PAQR3: variants seen among roughly 807,000 people sequenced by gnomAD.
The protein encoded by PAQR3 is progestin and adipoQ receptor family member 3, also known as Raf kinase trapping to Golgi.
PAQR3 carries 39 observed loss-of-function variants against 41.7 expected under a neutral mutation model. The observed-to-expected ratio is 0.93, with a 90% CI of 0.72 to 1.22. The LOEUF is 1.22. PAQR3 is among the 50% of genes most tolerant of loss of function. The pLI is 0.00. For missense variants in PAQR3, 366 were observed against 385.6 expected (o/e 0.95, Z 0.42); for synonymous variants, 140 against 140.6 (o/e 1.00, Z 0.03).
At chr4:78,887,258 G>A in exon 13 of PAQR3, 1 of 1,609,692 alleles carries the variant, frequency 6.2e-7, no homozygotes, top group Non-Finnish European at 8.5e-7. Flanking sequence ...GATCCTTTTG[G>A]TTCTGTTCCT....
chr4:78,922,244 G>C, intron 5 of PAQR3: 1 of 1,221,976 alleles, frequency 8.2e-7, no homozygotes, highest in South Asian at 1.5e-5. Context: ...TACAACGCAG[G>C]TTTTCCCTTG....
chr4:78,893,301 A>G (rs1228261665), intron 11 of PAQR3, among the ~76,000 whole-genome samples: 1 of 152,136 alleles, frequency 6.6e-6, no homozygotes, highest in African/African-American at 2.4e-5. Flanking sequence ...TTTAGGTTCT[A>G]TTTCTAGTTC....
In PAQR3 at chr4:78,938,307, G is replaced by GT. The variant is rs1375993296; in HGVS notation, c.185+732dup. Among the ~76,000 whole-genome samples, 26 of 152,342 alleles carry GT rather than the reference G, an allele frequency of 1.7e-4. No homozygotes were observed. The East Asian group carries it at 3.3e-3, about 19-fold the overall frequency. On this transcript the variant is annotated intron_variant, in intron 1 of 5. Transcript: ENST00000512733. Reference sequence around the variant, plus strand: ...ACTAGAATAGTTATTTTTCAGTTTTGTTTTTTTAAAACACGGATTTTCAAG... The same window carrying GT: ...ACTAGAATAGTTATTTTTCAGTTTTGTTTTTTTTAAAACACGGATTTTCAAG...
intron 11 of PAQR3, among the ~76,000 whole-genome samples, chr4:78,900,714 TAGAC>T (rs1733953461): frequency 6.6e-6 from 1 of 152,240 alleles, no homozygotes; most frequent in African/African-American, 2.4e-5. Context: ...AACATTTAGA[TAGAC>T]TATGTCTTAA....
At chr4:78,922,889 G>A (rs559392057) in intron 5 of PAQR3, 1 of 455,994 alleles carries the variant, frequency 2.2e-6, no homozygotes, top group South Asian at 1.6e-5. Context: ...TCTGACTCCA[G>A]AGCTAAAGTT....
chr4:78,922,316 G>A, intron 5 of PAQR3: 1 of 1,285,670 alleles, frequency 7.8e-7, no homozygotes, highest in Non-Finnish European at 1.0e-6. Context: ...AATGCCTGAG[G>A]ATCTGTGGGA....
intron 2 of PAQR3, among the ~76,000 whole-genome samples, chr4:78,931,512 C>G (rs545376878): frequency 1.3e-5 from 2 of 152,334 alleles, no homozygotes; most frequent in South Asian, 4.1e-4. Context: ...TGATAAGGTT[C>G]TATGGCAGAA....
At chr4:78,895,762 TTTG>T (rs778172927) in intron 11 of PAQR3, among the ~76,000 whole-genome samples, 20 of 152,138 alleles carry the variant, frequency 1.3e-4, no homozygotes, top group South Asian at 2.1e-4. Flanking sequence ...GAACACAGCT[TTTG>T]TTGTTGTTGT....
At position 78,917,537 on chromosome 4, in the gene PAQR3, T is replaced by G. The variant is rs62308002; in HGVS notation, c.*3002A>C. 10,362 of 152,174 alleles carry G rather than the reference T, an allele frequency of 0.068. 474 individuals carry two copies. The highest frequency in any genetic ancestry group is 0.22 in the East Asian group (1,146 of 5,182). The allele number at this position is 152,174 out of a possible 1,614,324, so 9.4% of individuals were successfully genotyped here. On this transcript the variant is annotated 3_prime_UTR_variant, in exon 6 of 6. Transcript: ENST00000512733. ...TTCAGAGGACTGTATTTACACCTCT[T>G]TAGTGTAAACACAGTTATTGTGATA...
chr4:78,924,944 T>A (rs1661641210), intron 4 of PAQR3, among the ~76,000 whole-genome samples: 1 of 152,142 alleles, frequency 6.6e-6, no homozygotes, highest in African/African-American at 2.4e-5. Context: ...AAACTCAGAT[T>A]TCTCAAACAT....
chr4:78,908,883 A>G (rs1489420936), downstream of PAQR3, among the ~76,000 whole-genome samples: 2 of 151,854 alleles, frequency 1.3e-5, no homozygotes, highest in Admixed American at 1.3e-4. Flanking sequence ...CACGCCACTC[A>G]TTCTTTTCTT....
At position 78,922,419 on chromosome 4, in the gene PAQR3, A is replaced by C. The variant is rs534554280; in HGVS notation, c.793+1438T>G. ...CCTTCTCTGATTCACCGTGGAAGTG[A>C]TTCTTAACCCAGGAAGAAGAGGGGA... On this transcript the variant is annotated intron_variant, in intron 5 of 5. Transcript: ENST00000512733. The C allele has an allele frequency of 1.7e-5, 22 of 1,288,896 alleles. No homozygotes were observed. The South Asian group carries it at 2.5e-4, about 14-fold the overall frequency. 79.8% of individuals were successfully genotyped at this position (1,288,896 alleles called of 1,614,324 possible).
intron 4 of PAQR3, among the ~76,000 whole-genome samples, chr4:78,925,984 T>A (rs574918312): frequency 6.6e-6 from 1 of 152,302 alleles, no homozygotes; most frequent in African/African-American, 2.4e-5. Context: ...CTTCCCTGGC[T>A]CCAGCTACCA....
intron 2 of PAQR3, among the ~76,000 whole-genome samples, chr4:78,934,897 GGAAA>G (rs981616430): frequency 6.6e-6 from 1 of 151,986 alleles, no homozygotes; most frequent in African/African-American, 2.4e-5. Flanking sequence ...CAAAAGAAGA[GGAAA>G]GAAACAAATT....
intron 10 of PAQR3, chr4:78,906,173 A>G (rs1378060911): frequency 6.6e-6 from 1 of 152,072 alleles, no homozygotes; most frequent in Non-Finnish European, 1.5e-5. Flanking sequence ...TGGAGAGATA[A>G]AAGGATTAAT....
chr4:78,897,646 C>T (rs536172154), intron 11 of PAQR3, among the ~76,000 whole-genome samples: 1 of 152,182 alleles, frequency 6.6e-6, no homozygotes, highest in Non-Finnish European at 1.5e-5. Context: ...TCTGTGTTTT[C>T]ATAGCATTTT....
chr4:78,938,274 C>T (rs565571189), intron 1 of PAQR3, among the ~76,000 whole-genome samples: 2 of 152,258 alleles, frequency 1.3e-5, no homozygotes, highest in Non-Finnish European at 2.9e-5. Context: ...TGGACAGTTA[C>T]TCCAAGAACT....
intron 2 of PAQR3, among the ~76,000 whole-genome samples, chr4:78,933,627 TATTGTA>T (rs1191568710): frequency 6.6e-6 from 1 of 152,224 alleles, no homozygotes; most frequent in Non-Finnish European, 1.5e-5. Context: ...GTACAGCATG[TATTGTA>T]ACAATGATCA....
chr4:78,939,377 G>C lies in PAQR3; in HGVS notation c.-153C>G, dbSNP rs1211406841. The C allele has an allele frequency of 7.5e-6, 4 of 531,844 alleles. No homozygotes were observed. The East Asian group carries it at 1.8e-4, about 24-fold the overall frequency. The allele number at this position is 531,844 out of a possible 1,614,324, so 32.9% of individuals were successfully genotyped here. On this transcript the variant is annotated 5_prime_UTR_variant, in exon 1 of 6. Transcript: ENST00000512733. ...CCGCTGCTGCCCAGGGCCCGGCTCT[G>C]CGCTCACACCGGCCACTGCCGCCAG...
Sources: allele counts gnomAD v4.1 joint callset (sites outside exome capture counted in the v4.1 genomes callset), GRCh38; gene constraint gnomAD v4.1.1; transcripts MANE v1.5; gene names NCBI Gene and HGNC (gene_info 2026-07-23, HGNC 2026-07-21).